Variants in RARB observed in about 807,000 individuals in gnomAD.
RARB encodes the protein retinoic acid receptor beta.
Under a neutral mutation model 51.9 loss-of-function variants are expected in RARB, and 17 were observed. The ratio of observed to expected loss-of-function variants is 0.33; its 90% confidence interval spans 0.22 to 0.49. The LOEUF is 0.49. Ranked by LOEUF, RARB falls within the 20% of genes least tolerant of loss-of-function variation. RARB has a pLI of 0.99. For synonymous variants in RARB, 215 were observed against 195.4 expected, an observed-to-expected ratio of 1.10 and a Z score of -0.84; for missense variants, 369 against 550.8, an observed-to-expected ratio of 0.67 and a Z score of 3.30.
chr3:25,065,734 C>A (rs528856385), intron 3 of RARB, among the ~76,000 whole-genome samples: 5 of 152,216 alleles, frequency 3.3e-5, no homozygotes, highest in African/African-American at 7.2e-5. Flanking sequence ...AAATGCTCTA[C>A]ACTAACCCAA....
intron 5 of RARB, among the ~76,000 whole-genome samples, chr3:25,404,456 G>A (rs1237846364): frequency 6.6e-6 from 1 of 152,174 alleles, no homozygotes; most frequent in Non-Finnish European, 1.5e-5. Context: ...AGGGAGACCT[G>A]ATGGCTAATT....
At chr3:25,403,905 A>AAAG (rs1457491002) in intron 5 of RARB, among the ~76,000 whole-genome samples, 3 of 151,342 alleles carry the variant, frequency 2.0e-5, no homozygotes, top group Non-Finnish European at 4.4e-5. Flanking sequence ...AAAAAAAAAA[A>AAAG]AAATTGAGTA....
At position 25,469,468 on chromosome 3, in the gene RARB, A is replaced by G. The variant is rs576559794; in HGVS notation, c.306+8127A>G. Among the ~76,000 whole-genome samples the G allele has an allele frequency of 1.4e-4, 22 of 152,330 alleles. No individual in the cohort carries two copies. In the South Asian group the frequency reaches 2.1e-3, roughly 14 times the overall value. ...AGAACAAAATAACATATCCAAAACA[A>G]TAACAAAAACAGGACACTCTGTGTA... On this transcript the variant is annotated intron_variant, in intron 2 of 7. Coordinates refer to ENST00000330688, the MANE Select transcript of RARB (RefSeq NM_000965.5).
In RARB at chr3:24,863,314, A is replaced by G. The variant is rs560477274; in HGVS notation, c.-380+4562A>G. Among the ~76,000 whole-genome samples, 57 of 152,342 alleles carry G rather than the reference A, an allele frequency of 3.7e-4. No homozygotes were observed. In the South Asian group the frequency reaches 0.011, roughly 28 times the overall value. ...AGCCACAGATGCTTTGTTTATAACC[A>G]GAGGAATTCATGTGAGCTTGGTGAT... On this transcript the variant is annotated intron_variant, in intron 2 of 11. Coordinates refer to the RARB transcript ENST00000383772.
chr3:25,498,101 C>T (rs1290321991), intron 2 of RARB, among the ~76,000 whole-genome samples: 1 of 152,134 alleles, frequency 6.6e-6, no homozygotes, highest in Non-Finnish European at 1.5e-5. Context: ...TTGCATTTCT[C>T]TTATTTCATG....
chr3:25,415,457 GA>G (rs1168364460), intron 5 of RARB, among the ~76,000 whole-genome samples: 12 of 151,796 alleles, frequency 7.9e-5, no homozygotes, highest in Admixed American at 3.3e-4. Context: ...CCATTTTTTG[GA>G]AAATACTATA....
intron 3 of RARB, among the ~76,000 whole-genome samples, chr3:25,122,797 C>T (rs1223320517): frequency 6.6e-6 from 1 of 152,158 alleles, no homozygotes; most frequent in Non-Finnish European, 1.5e-5. Context: ...CAGTCCACCC[C>T]TCTAACCACA....
At chr3:25,053,120 G>A (rs920635588) in intron 2 of RARB, among the ~76,000 whole-genome samples, 5 of 152,168 alleles carry the variant, frequency 3.3e-5, no homozygotes, top group African/African-American at 7.2e-5. Flanking sequence ...GGCTGAGGGG[G>A]AGAGATTATA....
intron 3 of RARB, among the ~76,000 whole-genome samples, chr3:25,508,923 C>G (rs1226999183): frequency 1.3e-5 from 2 of 151,884 alleles, no homozygotes; most frequent in African/African-American, 4.8e-5. Context: ...GTTTGGGTAC[C>G]AGCAGCCCGG....
chr3:25,081,609 ATATATATATATATTTTTTTTTTTTTT>A lies in RARB; in HGVS notation c.-328+21435_-328+21460del, dbSNP rs1339548403. Among the ~76,000 whole-genome samples the A allele has an allele frequency of 1.2e-3, 12 of 10,184 alleles. No individual in the cohort carries two copies. In the Admixed American group the frequency reaches 0.013, roughly 11 times the overall value. The allele number at this position is 10,184 out of a possible 152,430, so 6.7% of individuals were successfully genotyped here. A position where few individuals can be genotyped will look rare whatever the true frequency, so the allele number is the denominator to read the frequency against. Reference sequence around the variant, plus strand: ...TACATATATATATATATATATATATATATATATATATATTTTTTTTTTTTTTTTTTTTTTTTTTTTGAGATGGAGTC... The same window carrying A: ...TACATATATATATATATATATATATATTTTTTTTTTTTTTGAGATGGAGTC... On this transcript the variant is annotated intron_variant, in intron 3 of 11. Transcript: ENST00000383772.
chr3:25,297,923 T>G (rs1182319204), intron 5 of RARB, among the ~76,000 whole-genome samples: 1 of 152,200 alleles, frequency 6.6e-6, no homozygotes, highest in Non-Finnish European at 1.5e-5. Flanking sequence ...TTGCATTCAC[T>G]TATGTGTGTG....
chr3:24,903,118 TACTTATTTTAATA>T (rs1166758970), intron 2 of RARB, among the ~76,000 whole-genome samples: 1 of 152,124 alleles, frequency 6.6e-6, no homozygotes, highest in Non-Finnish European at 1.5e-5. Context: ...ACATTTCTAA[TACTTATTTTAATA>T]AAATAATTTT....
intron 3 of RARB, among the ~76,000 whole-genome samples, chr3:25,507,440 G>A (rs948887593): frequency 2.6e-5 from 4 of 152,340 alleles, no homozygotes; most frequent in Non-Finnish European, 5.9e-5. Flanking sequence ...ACCTGGATGA[G>A]AGAAACATTG....
intron 3 of RARB, among the ~76,000 whole-genome samples, chr3:25,563,466 A>G (rs1700356108): frequency 6.6e-6 from 1 of 152,212 alleles, no homozygotes; most frequent in Admixed American, 6.5e-5. Context: ...CTTTATTAGG[A>G]AAAAGACACA....
intron 2 of RARB, among the ~76,000 whole-genome samples, chr3:25,027,426 C>G (rs952430492): frequency 2.0e-5 from 3 of 152,134 alleles, no homozygotes; most frequent in Non-Finnish European, 2.9e-5. Context: ...TCTTCCCCCC[C>G]ATATGATTTA....
At chr3:25,410,807 C>A (rs1285529142) in intron 5 of RARB, among the ~76,000 whole-genome samples, 2 of 152,196 alleles carry the variant, frequency 1.3e-5, no homozygotes, top group Non-Finnish European at 2.9e-5. Flanking sequence ...GCAAACACTG[C>A]ATATCAGGGC....
At chr3:24,940,287 G>T (rs1297626640) in intron 2 of RARB, among the ~76,000 whole-genome samples, 6 of 152,134 alleles carry the variant, frequency 3.9e-5, no homozygotes, top group African/African-American at 7.2e-5. Context: ...AATGGGAGCA[G>T]CTCGGTGGGT....
At chr3:24,998,244 C>G (rs369328272) in intron 2 of RARB, among the ~76,000 whole-genome samples, 4 of 149,198 alleles carry the variant, frequency 2.7e-5, no homozygotes, top group Non-Finnish European at 5.9e-5. Context: ...TCTTACCTCT[C>G]ATGGTGGTTC....
intron 5 of RARB, among the ~76,000 whole-genome samples, chr3:25,245,535 A>G (rs1327478144): frequency 6.6e-6 from 1 of 152,092 alleles, no homozygotes; most frequent in East Asian, 1.9e-4. Context: ...CTTGTCTGTA[A>G]AGGATTTAGT....
Sources: allele counts gnomAD v4.1 joint callset (sites outside exome capture counted in the v4.1 genomes callset), GRCh38; gene constraint gnomAD v4.1.1; transcripts MANE v1.5; gene names NCBI Gene and HGNC (gene_info 2026-07-23, HGNC 2026-07-21).